The following CTCF variants were observed in gnomAD, a reference collection of about 807,000 sequenced individuals.
CTCF encodes CCCTC-binding factor.
In CTCF, 7 loss-of-function variants were observed where a neutral mutation model predicts 72.3. The observed-to-expected ratio is 0.10, with a 90% CI of 0.06 to 0.18. CTCF has a LOEUF of 0.18. CTCF is among the 10% of genes least tolerant of loss of function. CTCF has a pLI of 1.00. For synonymous variants in CTCF, 374 were observed against 315.8 expected (o/e 1.18, Z -1.95); for missense variants, 516 against 949.1 (o/e 0.54, Z 6.00).
chr16:67,572,810 G>T (rs1476627948), intron 2 of CTCF, among the ~76,000 whole-genome samples: 2 of 151,536 alleles, frequency 1.3e-5, no homozygotes, highest in Non-Finnish European at 2.9e-5. Context: ...TGTGGTGGTG[G>T]GTGCCTGTAA....
chr16:67,603,170 T>C (rs1447957233), intron 2 of CTCF, among the ~76,000 whole-genome samples: 1 of 151,620 alleles, frequency 6.6e-6, no homozygotes, highest in Non-Finnish European at 1.5e-5. Flanking sequence ...GATGGGACAA[T>C]AACTTGAGGC....
intron 11 of CTCF, among the ~76,000 whole-genome samples, chr16:67,637,128 A>C (rs1023113427): frequency 1.3e-5 from 2 of 152,222 alleles, no homozygotes; most frequent in African/African-American, 4.8e-5. Flanking sequence ...GGGTTTTGAA[A>C]AACAACCAAA....
intron 10 of CTCF, among the ~76,000 whole-genome samples, chr16:67,631,845 G>A (rs1049167172): frequency 5.3e-5 from 8 of 151,824 alleles, no homozygotes; most frequent in African/African-American, 1.7e-4. Context: ...GGCCAAGGCA[G>A]GCAGATCACC....
Position 67,611,347 on chromosome 16 carries a change from A to G in CTCF, c.515A>G (p.Asn172Ser), listed in dbSNP as rs761623880. 10 of 1,614,182 alleles carry G rather than the reference A, an allele frequency of 6.2e-6. No homozygotes were observed. Among genetic ancestry groups the G allele is most frequent in the South Asian group, 2.2e-5 (2 of 91,080 alleles). Residue 172 changes from asparagine to serine, a missense_variant, in exon 3 of 12, where the codon AAT (asparagine) becomes AGT (serine). Around this residue, in one of 7 missense-constraint regions of CTCF, gnomAD observed 53 missense variants for 63.6 expected, o/e 0.83. Transcript: ENST00000264010. ...EGFQVVKVGA[N>S]GEVETLEQGE... ...TTTCAGGTGGTTAAAGTGGGGGCCA[A>G]TGGAGAGGTGGAGACACTAGAACAA...
chr16:67,594,100 T>A (rs768692098), intron 2 of CTCF, among the ~76,000 whole-genome samples: 1 of 152,188 alleles, frequency 6.6e-6, no homozygotes, highest in Non-Finnish European at 1.5e-5. Flanking sequence ...TGGGAATTTT[T>A]ATTTTTCTCT....
At chr16:67,618,855 A>T (rs2052165906) in intron 5 of CTCF, among the ~76,000 whole-genome samples, 1 of 152,288 alleles carries the variant, frequency 6.6e-6, no homozygotes, top group Admixed American at 6.5e-5. Flanking sequence ...ACCTGAATAA[A>T]TGAAGAAACA....
At chr16:67,573,048 C>G (rs533157300) in intron 2 of CTCF, among the ~76,000 whole-genome samples, 1 of 145,542 alleles carries the variant, frequency 6.9e-6, no homozygotes, top group Non-Finnish European at 1.5e-5. Context: ...GTCAGGAGTT[C>G]GGGACCAGCC....
intron 2 of CTCF, among the ~76,000 whole-genome samples, chr16:67,606,550 G>A (rs745544047): frequency 1.9e-4 from 29 of 152,172 alleles, no homozygotes; most frequent in Non-Finnish European, 3.8e-4. Flanking sequence ...TTTAGGTAAT[G>A]TCATTCTCTC....
chr16:67,589,410 T>A (rs1434926137), intron 2 of CTCF, among the ~76,000 whole-genome samples: 1 of 152,186 alleles, frequency 6.6e-6, no homozygotes, highest in Non-Finnish European at 1.5e-5. Flanking sequence ...CCATACATAT[T>A]TTTGTTATAT....
At chr16:67,629,595 G>A (rs2142870477) in intron 10 of CTCF, 62 bp downstream of exon 10, 1 of 1,563,696 alleles carries the variant, frequency 6.4e-7, no homozygotes, top group African/African-American at 1.4e-5. Flanking sequence ...TTTCCAGTGT[G>A]TTTATGTATG....
chr16:67,578,557 T>C (rs979750500), intron 2 of CTCF, among the ~76,000 whole-genome samples: 3 of 150,636 alleles, frequency 2.0e-5, no homozygotes, highest in Non-Finnish European at 1.5e-5. Flanking sequence ...GGTCTCGAAC[T>C]CCTGGCCTCA....
At chr16:67,597,911 G>GT (rs1052367893) in intron 2 of CTCF, among the ~76,000 whole-genome samples, 2 of 152,258 alleles carry the variant, frequency 1.3e-5, no homozygotes, top group Non-Finnish European at 2.9e-5. Flanking sequence ...ACTTAGTGAG[G>GT]TTTTTTAAAT....
chr16:67,616,477 A>C, intron 4 of CTCF: 1 of 389,298 alleles, frequency 2.6e-6, no homozygotes, highest in Non-Finnish European at 4.7e-6. Context: ...AGGAATAAGA[A>C]GGTTTTTATT....
intron 2 of CTCF, among the ~76,000 whole-genome samples, chr16:67,572,037 T>C (rs1371278162): frequency 6.6e-6 from 1 of 152,112 alleles, no homozygotes; most frequent in Admixed American, 6.6e-5. Flanking sequence ...ATCGTACATG[T>C]GTAATGGCAA....
chr16:67,566,515 TAAAAAAAA>T (rs377253111), intron 1 of CTCF, among the ~76,000 whole-genome samples: 1 of 76,232 alleles, frequency 1.3e-5, no homozygotes, highest in Admixed American at 1.6e-4. Flanking sequence ...GTCTCAAAAT[TAAAAAAAA>T]AAAAAAAAAA....
chr16:67,617,468 C>T (rs929702200), intron 5 of CTCF, among the ~76,000 whole-genome samples: 2 of 152,090 alleles, frequency 1.3e-5, no homozygotes, highest in Non-Finnish European at 2.9e-5. Flanking sequence ...CACTGCACTC[C>T]AGCCTGGGCG....
chr16:67,592,426 C>T (rs1424899786), intron 2 of CTCF, among the ~76,000 whole-genome samples: 3 of 151,336 alleles, frequency 2.0e-5, no homozygotes, highest in Admixed American at 2.0e-4. Flanking sequence ...ATAAATAAGG[C>T]CAGGCACAGT....
chr16:67,589,868 C>T (rs2051716045), intron 2 of CTCF, among the ~76,000 whole-genome samples: 1 of 152,108 alleles, frequency 6.6e-6, no homozygotes, highest in Non-Finnish European at 1.5e-5. Flanking sequence ...GGCTGGATCA[C>T]CTAAGGTCAG....
chr16:67,564,291 G>C (rs1411177058), intron 1 of CTCF, among the ~76,000 whole-genome samples: 1 of 152,230 alleles, frequency 6.6e-6, no homozygotes, highest in Non-Finnish European at 1.5e-5. Context: ...TAATGTATCA[G>C]TTCGGGTTGT....
Sources: gnomAD v4.1 joint callset for allele counts (sites outside exome capture counted in the v4.1 genomes callset) on GRCh38, gnomAD v4.1.1 for gene constraint, gnomAD v4.1.1 regional missense constraint, MANE v1.5 for transcripts, NCBI Gene and HGNC (gene_info 2026-07-23, HGNC 2026-07-21) for gene names.